Variants in CDK5RAP1 observed in about 807,000 individuals in gnomAD.
CDK5RAP1 encodes the protein mitochondrial tRNA methylthiotransferase CDK5RAP1.
A neutral mutation model predicts 64.5 loss-of-function variants in CDK5RAP1; 62 were observed. That is an observed-to-expected ratio of 0.96 (90% CI 0.78 to 1.19). The LOEUF (loss-of-function observed/expected upper bound fraction) is 1.19, where lower values mean the gene tolerates loss of function less well. Ranked by LOEUF, CDK5RAP1 falls within the 50% of genes most tolerant of loss-of-function variation. The probability of loss-of-function intolerance (pLI) is 0.00; values close to 1 mark genes in which losing one functional copy is unlikely to be tolerated. For synonymous variants in CDK5RAP1, 250 were observed against 261.9 expected (o/e 0.95, Z 0.44); for missense variants, 657 against 735.0 (o/e 0.89, Z 1.23).
At chr20:33,388,476 G>T (rs374631745) in intron 5 of CDK5RAP1, among the ~76,000 whole-genome samples, 2 of 149,728 alleles carry the variant, frequency 1.3e-5, no homozygotes, top group Non-Finnish European at 3.0e-5. Context: ...TTGCATCTAC[G>T]CAAAGCCAGT....
chr20:33,363,975 G>A (rs890161943), intron 12 of CDK5RAP1, among the ~76,000 whole-genome samples: 2 of 151,928 alleles, frequency 1.3e-5, no homozygotes, highest in African/African-American at 4.8e-5. Flanking sequence ...AAAACCAAGT[G>A]TAAAAGAACA....
At chr20:33,376,615 C>A (rs951289551) in intron 8 of CDK5RAP1, among the ~76,000 whole-genome samples, 1 of 152,210 alleles carries the variant, frequency 6.6e-6, no homozygotes, top group Admixed American at 6.5e-5. Flanking sequence ...CCTGCTAACA[C>A]AATATCCATT....
intron 5 of CDK5RAP1, among the ~76,000 whole-genome samples, chr20:33,388,849 G>A (rs1301294436): frequency 6.6e-6 from 1 of 152,080 alleles, no homozygotes. Flanking sequence ...CTGGTCTCCA[G>A]CTCCTAACCG....
In CDK5RAP1 at chr20:33,379,556, G is replaced by A; in HGVS notation, c.1012C>T (p.Leu338Phe). 2 of 1,614,122 alleles carry A rather than the reference G, an allele frequency of 1.2e-6. No homozygotes were observed. Among genetic ancestry groups the A allele is most frequent in the East Asian group, 4.5e-5 (2 of 44,876 alleles). ...TTNYKTKQGG[L>F]RFAHLLDQVS... ...TGATCCAGAAGATGAGCAAAACGAAGTCCTCCTTGCTTGGTTTTATAGTTG... is the reference window on the plus strand; with the variant it reads ...TGATCCAGAAGATGAGCAAAACGAAATCCTCCTTGCTTGGTTTTATAGTTG... Residue 338 changes from leucine (L) to phenylalanine (F), a missense_variant, in exon 8 of 14, where the codon CTT becomes TTT. By Grantham distance (22) the Leu-to-Phe change is conservative (BLOSUM62 0). Coordinates refer to ENST00000346416, the MANE Select transcript of CDK5RAP1 (RefSeq NM_016408.4).
At position 33,397,071 on chromosome 20, in the gene CDK5RAP1, A is replaced by C. The variant is rs1419022573; in HGVS notation, c.-7T>G. On this transcript the variant is annotated 5_prime_UTR_variant, in exon 2 of 14. Transcript: ENST00000346416. ...CACACTGTAAAGGGTGCATGGCACT[A>C]AACAGCCCACAGTCTGCAAAAGAAT... 1 of 1,592,308 alleles carries C rather than the reference A, an allele frequency of 6.3e-7. No homozygotes were observed. The highest frequency in any genetic ancestry group is 1.3e-5 in the African/African-American group (1 of 74,238).
rs765486461 is a variant in CDK5RAP1 at position 33,379,460 on chromosome 20, C to A, written c.1107+1G>T. 3.1e-6 allele frequency: 5 copies of A among 1,598,564 alleles called. No individual in the cohort carries two copies. Among genetic ancestry groups the A allele is most frequent in the African/African-American group, 2.7e-5 (2 of 74,634 alleles). ...TTTGTCACAGCTAACCTGACGCTCA[C>A]CTCATCAGGAAAATCCTTGGGGTGG... On this transcript the variant is annotated splice_donor_variant, in intron 8 of 13. Transcript: ENST00000346416. LOFTEE classifies it high-confidence loss of function.
Position 33,387,546 on chromosome 20 carries a change from A to G in CDK5RAP1, c.545-13T>C, listed in dbSNP as rs1157432309. 2 of 1,608,040 alleles carry G rather than the reference A, an allele frequency of 1.2e-6. No homozygotes were observed. The highest frequency in any genetic ancestry group is 1.1e-5 in the South Asian group (1 of 90,926). ...TCAGCCATGCAGCCTGGAAGGGAAAAAGAAACAAGCACCTTTCCCCAAATC... is the reference window on the plus strand; with the variant it reads ...TCAGCCATGCAGCCTGGAAGGGAAAGAGAAACAAGCACCTTTCCCCAAATC... On this transcript the variant is annotated splice_polypyrimidine_tract_variant and intron_variant, in intron 5 of 13. Transcript: ENST00000346416.
chr20:33,381,172 C>T (rs1427479443), intron 7 of CDK5RAP1, among the ~76,000 whole-genome samples: 1 of 152,142 alleles, frequency 6.6e-6, no homozygotes, highest in Non-Finnish European at 1.5e-5. Context: ...TTATCATTCA[C>T]ATTCAGACAC....
intron 9 of CDK5RAP1, 190 bp downstream of exon 9, chr20:33,373,925 T>C: frequency 1.7e-6 from 1 of 597,788 alleles, no homozygotes; most frequent in Non-Finnish European, 3.0e-6. Flanking sequence ...GGGTGACCAG[T>C]CCTTAGCCTT....
intron 12 of CDK5RAP1, among the ~76,000 whole-genome samples, chr20:33,361,743 G>A (rs932146043): frequency 6.6e-6 from 1 of 152,006 alleles, no homozygotes; most frequent in African/African-American, 2.4e-5. Context: ...ATTACCTGAG[G>A]TCAGGAGTTT....
chr20:33,359,191 C>A lies in CDK5RAP1; in HGVS notation c.1684-68G>T, dbSNP rs1244038862. The stretch of plus-strand genomic sequence containing the variant: ...GTAGCACTGGGACTTCATGTGGAGC[C>A]TCTAGAGGAGAAGCCCCCAAAAGGA... On this transcript the variant is annotated intron_variant, in intron 13 of 13. Transcript: ENST00000346416. 2.5e-6 allele frequency: 3 copies of A among 1,201,744 alleles called. No homozygotes were observed. In the South Asian group the frequency reaches 3.7e-5, roughly 15 times the overall value. 74.4% of individuals were successfully genotyped at this position (1,201,744 alleles called of 1,614,324 possible).
At chr20:33,389,665 G>T (rs1988061365) in intron 5 of CDK5RAP1, among the ~76,000 whole-genome samples, 1 of 152,174 alleles carries the variant, frequency 6.6e-6, no homozygotes, top group Non-Finnish European at 1.5e-5. Flanking sequence ...TCTGGGAAGT[G>T]AGGAGCCCTT....
intron 1 of CDK5RAP1, among the ~76,000 whole-genome samples, chr20:33,401,174 T>C (rs990744118): frequency 1.3e-5 from 2 of 152,208 alleles, no homozygotes; most frequent in African/African-American, 4.8e-5. Flanking sequence ...AGGCAGGCTG[T>C]ACTGTCAACC....
At chr20:33,379,919 T>G (rs947574510) in intron 7 of CDK5RAP1, among the ~76,000 whole-genome samples, 1 of 152,192 alleles carries the variant, frequency 6.6e-6, no homozygotes, top group African/African-American at 2.4e-5. Context: ...AAAATTAATC[T>G]TCAAAACATT....
chr20:33,391,516 C>A (rs969914370), intron 5 of CDK5RAP1, among the ~76,000 whole-genome samples: 2 of 151,878 alleles, frequency 1.3e-5, no homozygotes, highest in African/African-American at 4.8e-5. Flanking sequence ...TGAAAGGTAC[C>A]CACATTAGAA....
At chr20:33,400,773 T>TC (rs1402341585) in intron 1 of CDK5RAP1, among the ~76,000 whole-genome samples, 1 of 151,738 alleles carries the variant, frequency 6.6e-6, no homozygotes, top group Non-Finnish European at 1.5e-5. Flanking sequence ...CGAGATCGCG[T>TC]CACTGCACTC....
At chr20:33,391,251 A>T (rs934324160) in intron 5 of CDK5RAP1, among the ~76,000 whole-genome samples, 3 of 146,206 alleles carry the variant, frequency 2.1e-5, no homozygotes, top group Non-Finnish European at 4.5e-5. Context: ...TCTGTTTTTA[A>T]AAAAAAAAAA....
chr20:33,388,705 T>G (rs1439353120), intron 5 of CDK5RAP1, among the ~76,000 whole-genome samples: 16 of 151,964 alleles, frequency 1.1e-4, no homozygotes, highest in Admixed American at 1.0e-3. Context: ...CCGCCATCTC[T>G]GCTCACTGCA....
chr20:33,372,294 A>G (rs921832106), intron 10 of CDK5RAP1, among the ~76,000 whole-genome samples: 5 of 145,878 alleles, frequency 3.4e-5, no homozygotes, highest in African/African-American at 1.0e-4. Context: ...AAAAAAAAAG[A>G]TATCAATTGT....
Sources: gnomAD v4.1 joint callset for allele counts (sites outside exome capture counted in the v4.1 genomes callset) on GRCh38, gnomAD v4.1.1 for gene constraint, MANE v1.5 for transcripts, NCBI Gene and HGNC (gene_info 2026-07-23, HGNC 2026-07-21) for gene names.